The following TTC7B variants were observed in gnomAD, a reference collection of about 807,000 sequenced individuals.
TTC7B encodes tetratricopeptide repeat domain 7B.
TTC7B carries 28 observed loss-of-function variants against 106.8 expected under a neutral mutation model. The observed-to-expected ratio is 0.26, with a 90% CI of 0.19 to 0.36. TTC7B has a LOEUF of 0.36. Ranked by LOEUF, TTC7B falls within the 10% of genes least tolerant of loss-of-function variation. The probability of loss-of-function intolerance (pLI) is 1.00; values close to 1 mark genes in which losing one functional copy is unlikely to be tolerated. For missense variants in TTC7B, 862 were observed against 1,076.4 expected (o/e 0.80, Z 2.79); for synonymous variants, 405 against 430.6 (o/e 0.94, Z 0.74).
At chr14:90,780,506 G>A (rs1244076248) in intron 3 of TTC7B, among the ~76,000 whole-genome samples, 1 of 147,974 alleles carries the variant, frequency 6.8e-6, no homozygotes, top group Non-Finnish European at 1.5e-5. Flanking sequence ...AAACTTTGCT[G>A]AAATGTTTTT....
chr14:90,622,256 C>T (rs1884239048), intron 15 of TTC7B, among the ~76,000 whole-genome samples: 1 of 151,708 alleles, frequency 6.6e-6, no homozygotes, highest in South Asian at 2.1e-4. Flanking sequence ...ATAGCTGGGA[C>T]CACAGGTGCA....
intron 7 of TTC7B, among the ~76,000 whole-genome samples, chr14:90,684,563 T>C (rs1461560051): frequency 1.3e-5 from 2 of 152,178 alleles, no homozygotes; most frequent in Admixed American, 6.5e-5. Context: ...AAAACACTGC[T>C]ACATGAAGAA....
chr14:90,688,309 G>A (rs1304551299), intron 7 of TTC7B, among the ~76,000 whole-genome samples: 3 of 152,038 alleles, frequency 2.0e-5, no homozygotes, highest in Admixed American at 6.6e-5. Flanking sequence ...GGCCAACATA[G>A]TGAAACCCTG....
chr14:90,593,463 G>C (rs1190028130), intron 18 of TTC7B, 23 bp downstream of exon 18: 1 of 1,560,904 alleles, frequency 6.4e-7, no homozygotes, highest in South Asian at 1.2e-5. Context: ...ACAGCAGCGG[G>C]TTGTGGGTGA....
At chr14:90,632,251 T>C (rs1884733662) in intron 15 of TTC7B, among the ~76,000 whole-genome samples, 2 of 152,248 alleles carry the variant, frequency 1.3e-5, no homozygotes, top group South Asian at 4.1e-4. Flanking sequence ...TTAGTGGGCA[T>C]GTTCATTGCT....
chr14:90,692,341 T>C (rs1307115641), intron 6 of TTC7B, among the ~76,000 whole-genome samples: 1 of 152,200 alleles, frequency 6.6e-6, no homozygotes, highest in Non-Finnish European at 1.5e-5. Context: ...GTGGAACTGT[T>C]GAAAATATAC....
At chr14:90,795,822 G>A (rs1389535771) in intron 1 of TTC7B, among the ~76,000 whole-genome samples, 1 of 152,216 alleles carries the variant, frequency 6.6e-6, no homozygotes, top group Non-Finnish European at 1.5e-5. Flanking sequence ...AATGTAGCAG[G>A]AGGATATGAA....
At chr14:90,749,562 C>T (rs1006056365) in intron 3 of TTC7B, among the ~76,000 whole-genome samples, 3 of 151,960 alleles carry the variant, frequency 2.0e-5, no homozygotes, top group African/African-American at 7.2e-5. Context: ...TGCACCACCA[C>T]GCCTGGCTAA....
In TTC7B at chr14:90,570,774, G is replaced by A. The variant is rs540054835; in HGVS notation, c.2310+7332C>T. On this transcript the variant is annotated intron_variant, in intron 19 of 19. Coordinates refer to ENST00000328459, the MANE Select transcript of TTC7B (RefSeq NM_001010854.2). The surrounding 1 kb of genome is among the most constrained non-coding windows in gnomAD (Gnocchi z 4.0). ...AGCGACACTCAGAGCTGATATTTGC[G>A]GAGTGTGAGGCACCCTGCTAACTCA... Among the ~76,000 whole-genome samples the A allele has an allele frequency of 5.3e-5, 8 of 152,320 alleles. No homozygotes were observed. Among genetic ancestry groups the A allele is most frequent in the Middle Eastern group, 3.4e-3 (1 of 294 alleles).
intron 14 of TTC7B, among the ~76,000 whole-genome samples, chr14:90,645,352 A>G (rs935057607): frequency 4.6e-5 from 7 of 152,192 alleles, no homozygotes; most frequent in Non-Finnish European, 2.9e-5. Context: ...GTTGGAAGAG[A>G]GACCATTCAC....
chr14:90,765,094 G>A (rs1293900868), intron 3 of TTC7B, among the ~76,000 whole-genome samples: 1 of 152,120 alleles, frequency 6.6e-6, no homozygotes, highest in African/African-American at 2.4e-5. Flanking sequence ...AACAAAATAT[G>A]CAAAATGGTA....
At chr14:90,784,327 G>A (rs901120466) in intron 2 of TTC7B, among the ~76,000 whole-genome samples, 1 of 152,238 alleles carries the variant, frequency 6.6e-6, no homozygotes, top group East Asian at 1.9e-4. Flanking sequence ...GGAGGCTGAG[G>A]TGGGCGGATC....
intron 1 of TTC7B, among the ~76,000 whole-genome samples, chr14:90,790,443 C>G (rs544573993): frequency 6.6e-6 from 1 of 152,190 alleles, no homozygotes; most frequent in South Asian, 2.1e-4. Context: ...TAAAATAGAA[C>G]TTGGGATTCA....
At chr14:90,582,623 C>T (rs1235373730) in intron 18 of TTC7B, among the ~76,000 whole-genome samples, 1 of 152,228 alleles carries the variant, frequency 6.6e-6, no homozygotes, top group African/African-American at 2.4e-5. Flanking sequence ...CTCAGTCAAG[C>T]CTAAGCTCTC....
intron 19 of TTC7B, among the ~76,000 whole-genome samples, chr14:90,557,720 C>T (rs1388774886): frequency 2.0e-5 from 3 of 152,230 alleles, no homozygotes; most frequent in African/African-American, 7.2e-5. Flanking sequence ...GAGGGGGAAG[C>T]GCCCCTGCTC....
chr14:90,711,104 C>G (rs1250666209), intron 5 of TTC7B, among the ~76,000 whole-genome samples: 2 of 152,092 alleles, frequency 1.3e-5, no homozygotes, highest in Non-Finnish European at 2.9e-5. Flanking sequence ...TTTAGGGAAG[C>G]CTTCAGATGA....
rs2140014943 is a variant in TTC7B, at chr14:90,759,061, C to A, written c.446-14139G>T. On this transcript the variant is annotated intron_variant, in intron 3 of 19. Transcript: ENST00000328459. The surrounding 1 kb of genome is among the most constrained non-coding windows in gnomAD (Gnocchi z 4.1). Reference sequence around the variant, plus strand: ...TCTTGAGAGACTGCGGTGGGCCCTGCAGGGCAGCTGCCTGCCTCTGCCTGG... The same window carrying A: ...TCTTGAGAGACTGCGGTGGGCCCTGAAGGGCAGCTGCCTGCCTCTGCCTGG... Among the ~76,000 whole-genome samples, 1 of 152,326 alleles carries A rather than the reference C, an allele frequency of 6.6e-6. No individual in the cohort carries two copies. Among genetic ancestry groups the A allele is most frequent in the South Asian group, 2.1e-4 (1 of 4,828 alleles).
chr14:90,558,586 A>G (rs1469132094), intron 19 of TTC7B, among the ~76,000 whole-genome samples: 3 of 152,248 alleles, frequency 2.0e-5, no homozygotes, highest in Admixed American at 2.0e-4. Context: ...AACATAAATG[A>G]TAAAACACCT....
At chr14:90,588,435 A>T (rs1027079997) in intron 18 of TTC7B, among the ~76,000 whole-genome samples, 7 of 152,198 alleles carry the variant, frequency 4.6e-5, no homozygotes, top group African/African-American at 1.7e-4. Flanking sequence ...TGCCATCCCA[A>T]GGTGGAAATT....
Sources: allele counts gnomAD v4.1 joint callset (sites outside exome capture counted in the v4.1 genomes callset), GRCh38; gene constraint gnomAD v4.1.1; non-coding constraint Gnocchi (gnomAD v3.1); transcripts MANE v1.5; gene names NCBI Gene and HGNC (gene_info 2026-07-23, HGNC 2026-07-21).